Variants in ALPL observed in about 807,000 individuals in gnomAD.
ALPL encodes alkaline phosphatase, tissue-nonspecific isozyme.
ALPL carries 42 observed loss-of-function variants against 51.3 expected under a neutral mutation model. The observed-to-expected ratio is 0.82, with a 90% confidence interval of 0.64 to 1.06. The LOEUF is 1.06. Among genes scored for constraint, ALPL ranks in the 50% least tolerant of loss-of-function variants. The pLI is 0.00. For missense variants in ALPL, 589 were observed against 709.4 expected (o/e 0.83, Z 1.93); for synonymous variants, 279 against 296.4 (o/e 0.94, Z 0.60).
chr1:21,536,681 T>C (rs1644110713), intron 1 of ALPL, among the ~76,000 whole-genome samples: 1 of 151,976 alleles, frequency 6.6e-6, no homozygotes, highest in Non-Finnish European at 1.5e-5. Flanking sequence ...AGGGTCCACC[T>C]GGAGCTGGAG....
chr1:21,546,866 G>A (rs751723232), intron 1 of ALPL, among the ~76,000 whole-genome samples: 7 of 152,214 alleles, frequency 4.6e-5, no homozygotes, highest in Non-Finnish European at 1.0e-4. Context: ...CTGAGCATGG[G>A]TGCATCCCTC....
At position 21,563,115 on chromosome 1, in the gene ALPL, C is replaced by A. The variant is rs746273959; in HGVS notation, c.303C>A (p.Tyr101Ter). 1.7e-5 allele frequency: 28 copies of A among 1,613,628 alleles called. No homozygotes were observed. The highest frequency in any genetic ancestry group is 2.4e-5 in the Non-Finnish European group (28 of 1,180,028). The change falls in exon 5 of 12, where the codon TAC (tyrosine) becomes TAA (stop). Residue 101 changes from tyrosine (Y) to a stop codon, truncating the protein, a stop_gained. Transcript: ENST00000374840. LOFTEE classifies it high-confidence loss of function. ...CCCTCCTCTCCCACCTGCAGACGTACAACACCAATGCCCAGGTCCCTGACA... is the reference window on the plus strand; with the variant it reads ...CCCTCCTCTCCCACCTGCAGACGTAAAACACCAATGCCCAGGTCCCTGACA... ...KFPFVALSKT[Y>*]NTNAQVPDSA...
At chr1:21,543,956 G>A (rs1380092176) in intron 1 of ALPL, among the ~76,000 whole-genome samples, 1 of 152,288 alleles carries the variant, frequency 6.6e-6, no homozygotes, top group East Asian at 1.9e-4. Flanking sequence ...GATGGGGAAG[G>A]CCCCCGGCTG....
chr1:21,544,151 C>G (rs1302067525), intron 1 of ALPL, among the ~76,000 whole-genome samples: 1 of 152,264 alleles, frequency 6.6e-6, no homozygotes, highest in Non-Finnish European at 1.5e-5. Flanking sequence ...AATGAGGACA[C>G]AGCAGGTCAG....
intron 2 of ALPL, among the ~76,000 whole-genome samples, chr1:21,558,926 C>G (rs1644448200): frequency 6.6e-6 from 1 of 152,180 alleles, no homozygotes; most frequent in Admixed American, 6.5e-5. Flanking sequence ...CTCTCCATTT[C>G]CTAATGTGGA....
intron 1 of ALPL, among the ~76,000 whole-genome samples, chr1:21,540,183 A>G (rs1644164107): frequency 6.6e-6 from 1 of 152,098 alleles, no homozygotes; most frequent in African/African-American, 2.4e-5. Context: ...TTTCCATGGC[A>G]TGGCAGAAGG....
In ALPL at chr1:21,561,138, G is replaced by A. The variant is rs1304394441; in HGVS notation, c.223G>A (p.Gly75Ser). 1 of 1,613,426 alleles carries A rather than the reference G, an allele frequency of 6.2e-7. No individual in the cohort carries two copies. The highest frequency in any genetic ancestry group is 8.5e-7 in the Non-Finnish European group (1 of 1,179,820). ...AGTGACGGCTGCCCGCATCCTCAAG[G>A]GTCAGCTCCACCACAACCCTGGGGA... ...STVTAARILKGQLHHNPGEET... is the reference protein window; with the variant it reads ...STVTAARILKSQLHHNPGEET... The change falls in exon 4 of 12, where the codon GGT becomes AGT. Residue 75 changes from glycine to serine, a missense_variant. Coordinates refer to ENST00000374840, the MANE Select transcript of ALPL (RefSeq NM_000478.6).
intron 1 of ALPL, among the ~76,000 whole-genome samples, chr1:21,548,191 C>T (rs926304363): frequency 4.6e-5 from 7 of 152,196 alleles, no homozygotes; most frequent in Non-Finnish European, 7.4e-5. Flanking sequence ...GGTGGGCAGC[C>T]GGGGCCCCCA....
chr1:21,565,172 C>T (rs1333511925), intron 6 of ALPL, among the ~76,000 whole-genome samples: 2 of 152,182 alleles, frequency 1.3e-5, no homozygotes, highest in Non-Finnish European at 2.9e-5. Context: ...ATGCACTGCC[C>T]CCCACAAATT....
chr1:21,524,813 C>T (rs373814322), intron 1 of ALPL, among the ~76,000 whole-genome samples: 1 of 152,144 alleles, frequency 6.6e-6, no homozygotes, highest in African/African-American at 2.4e-5. Flanking sequence ...CTTAGAAGTG[C>T]GGAGTTTATC....
intron 1 of ALPL, among the ~76,000 whole-genome samples, chr1:21,552,254 TGG>T (rs1644341125): frequency 6.0e-5 from 9 of 149,044 alleles, no homozygotes; most frequent in Admixed American, 6.0e-4. Flanking sequence ...GAGGCCAAGG[TGG>T]GCAGATCACC....
intron 6 of ALPL, 61 bp from the exon 7 acceptor site, chr1:21,568,043 G>A: frequency 6.2e-7 from 1 of 1,612,232 alleles, no homozygotes; most frequent in Non-Finnish European, 8.5e-7. Flanking sequence ...CCAAGCCGAG[G>A]TCACTGGGGC....
At position 21,577,691 on chromosome 1, in the gene ALPL, A is replaced by G. The variant is rs748654072; in HGVS notation, c.*43A>G. 1.0e-5 allele frequency: 16 copies of G among 1,575,748 alleles called. No individual in the cohort carries two copies. The East Asian group carries it at 1.2e-4, about 11-fold the overall frequency. Reference sequence around the variant, plus strand: ...ACCCACAAGCCCGTGACAGATGCCAACTTCCCACACGGCAGCCCCCCCCTC... The same window carrying G: ...ACCCACAAGCCCGTGACAGATGCCAGCTTCCCACACGGCAGCCCCCCCCTC... On this transcript the variant is annotated 3_prime_UTR_variant, in exon 12 of 12. Coordinates refer to ENST00000374840, the MANE Select transcript of ALPL (RefSeq NM_000478.6).
chr1:21,524,684 A>C (rs1643918756), intron 1 of ALPL, among the ~76,000 whole-genome samples: 1 of 152,122 alleles, frequency 6.6e-6, no homozygotes, highest in Non-Finnish European at 1.5e-5. Context: ...ACTCTTCTTG[A>C]ACCTGCTAGT....
intron 1 of ALPL, among the ~76,000 whole-genome samples, chr1:21,538,812 G>A (rs1644144707): frequency 6.6e-6 from 1 of 152,200 alleles, no homozygotes. Context: ...AGCCCCAAGT[G>A]AGTTGCACTG....
At chr1:21,560,108 T>G (rs144206085) in intron 2 of ALPL, among the ~76,000 whole-genome samples, 23 of 152,376 alleles carry the variant, frequency 1.5e-4, no homozygotes, top group African/African-American at 5.5e-4. Flanking sequence ...GCACTGCTAT[T>G]AAACCAAGTC....
In ALPL at chr1:21,537,290, G is replaced by A. The variant is rs751495314; in HGVS notation, c.-104-16688G>A. On this transcript the variant is annotated intron_variant, in intron 1 of 11. Transcript: ENST00000374840. The stretch of plus-strand genomic sequence containing the variant: ...AGGAAACAGCCCTTGAATATTCAGC[G>A]AGGACTCTGACTTGTAACCCTGGGC... Among the ~76,000 whole-genome samples, 7 of 152,154 alleles carry A rather than the reference G, an allele frequency of 4.6e-5. No individual in the cohort carries two copies. In the East Asian group the frequency reaches 5.8e-4, roughly 13 times the overall value.
chr1:21,554,815 G>GTCTGTCTTTCTTTCTT (rs1367097121), intron 2 of ALPL, among the ~76,000 whole-genome samples: 2 of 83,754 alleles, frequency 2.4e-5, no homozygotes, highest in African/African-American at 4.0e-5. Context: ...CTGTCTGTCT[G>GTCTGTCTTTCTTTCTT]TCTTTCTTTC....
chr1:21,537,737 G>T (rs1175404585), intron 1 of ALPL, among the ~76,000 whole-genome samples: 1 of 152,194 alleles, frequency 6.6e-6, no homozygotes, highest in Non-Finnish European at 1.5e-5. Flanking sequence ...GGAGCTGGAC[G>T]GACCTGGCCT....
Sources: allele counts gnomAD v4.1 joint callset (sites outside exome capture counted in the v4.1 genomes callset), GRCh38; gene constraint gnomAD v4.1.1; transcripts MANE v1.5; gene names NCBI Gene and HGNC (gene_info 2026-07-23, HGNC 2026-07-21).